The following SPSB4 variants were observed in gnomAD, a reference collection of about 807,000 sequenced individuals.
SPSB4 encodes splA/ryanodine receptor domain and SOCS box containing 4, also known as SPRY domain-containing SOCS box protein 4.
SPSB4 carries 21 observed loss-of-function variants against 20.9 expected under a neutral mutation model. The observed-to-expected ratio is 1.01, with a 90% CI of 0.71 to 1.45. The LOEUF is 1.45. SPSB4 is among the 40% of genes most tolerant of loss of function. The pLI is 0.00. For missense variants in SPSB4, 399 were observed against 399.2 expected (o/e 1.00, Z 0.00); for synonymous variants, 207 against 183.8 (o/e 1.13, Z -1.02).
rs1937873609 is a variant in SPSB4 at position 141,066,337 on chromosome 3, A to ACCC, written c.235_237dup (p.Pro79dup). On this transcript the variant is annotated inframe_insertion, in exon 2 of 3. Coordinates refer to ENST00000310546, the MANE Select transcript of SPSB4 (RefSeq NM_080862.3). ...GACGACCGGCTCACCTTCCACCGGCACCCCGTGGCCCAGAGCACCGACGGC... is the reference window on the plus strand; with the variant it reads ...GACGACCGGCTCACCTTCCACCGGCACCCCCCCGTGGCCCAGAGCACCGACGGC... The ACCC allele has an allele frequency of 1.3e-6, 2 of 1,563,624 alleles. No homozygotes were observed. Among genetic ancestry groups the ACCC allele is most frequent in the Non-Finnish European group, 1.7e-6 (2 of 1,156,474 alleles).
intron 2 of SPSB4, among the ~76,000 whole-genome samples, chr3:141,098,126 C>A (rs1476630802): frequency 2.0e-5 from 3 of 152,206 alleles, no homozygotes; most frequent in Non-Finnish European, 4.4e-5. Context: ...ATGCAGTGTT[C>A]CACTGATCCA....
chr3:141,138,204 A>C (rs555776001), intron 2 of SPSB4, among the ~76,000 whole-genome samples: 1 of 152,040 alleles, frequency 6.6e-6, no homozygotes, highest in Non-Finnish European at 1.5e-5. Context: ...TTATTATTGC[A>C]TCTATTTGAT....
chr3:141,069,158 G>A (rs1937944792), intron 2 of SPSB4, among the ~76,000 whole-genome samples: 1 of 152,144 alleles, frequency 6.6e-6, no homozygotes, highest in East Asian at 1.9e-4. Context: ...TCTAGGTAGG[G>A]GTAATGTTCT....
At chr3:141,105,329 C>G (rs999105466) in intron 2 of SPSB4, among the ~76,000 whole-genome samples, 1 of 152,160 alleles carries the variant, frequency 6.6e-6, no homozygotes, top group East Asian at 1.9e-4. Flanking sequence ...TTCCTGGCCT[C>G]CCACTGAGTT....
chr3:141,106,709 T>C (rs551342778), intron 2 of SPSB4, among the ~76,000 whole-genome samples: 46 of 152,212 alleles, frequency 3.0e-4, no homozygotes, highest in Admixed American at 2.7e-3. Flanking sequence ...TCAAACACCA[T>C]TGGCAGGGTC....
At chr3:141,106,728 C>G (rs578147040) in intron 2 of SPSB4, among the ~76,000 whole-genome samples, 4 of 152,318 alleles carry the variant, frequency 2.6e-5, no homozygotes, top group African/African-American at 7.2e-5. Flanking sequence ...TCTGACGTCT[C>G]TCTCTCCATT....
At chr3:141,115,459 G>A (rs897271853) in intron 2 of SPSB4, 1 of 152,154 alleles carries the variant, frequency 6.6e-6, no homozygotes, top group African/African-American at 2.4e-5. Flanking sequence ...GGAGTTTTCT[G>A]GAAAAAGCAG....
intron 2 of SPSB4, among the ~76,000 whole-genome samples, chr3:141,074,555 G>A (rs1053652228): frequency 1.3e-5 from 2 of 152,224 alleles, no homozygotes; most frequent in African/African-American, 4.8e-5. Context: ...GAGGTTCACA[G>A]GCCATTGTGA....
chr3:141,097,088 G>A (rs996439921), intron 2 of SPSB4, among the ~76,000 whole-genome samples: 2 of 152,200 alleles, frequency 1.3e-5, no homozygotes, highest in Non-Finnish European at 2.9e-5. Flanking sequence ...TTGACAGTCT[G>A]TGATGGTGAC....
chr3:141,052,864 C>T (rs1239692779), intron 1 of SPSB4, among the ~76,000 whole-genome samples: 4 of 152,214 alleles, frequency 2.6e-5, no homozygotes, highest in African/African-American at 9.6e-5. Flanking sequence ...GGCTCCAAGC[C>T]AGAAGGGGAC....
intron 2 of SPSB4, among the ~76,000 whole-genome samples, chr3:141,129,104 A>T (rs1043824714): frequency 5.9e-5 from 9 of 152,156 alleles, no homozygotes; most frequent in African/African-American, 2.2e-4. Context: ...TTTGCCAGAC[A>T]CACTCTCCTG....
At chr3:141,075,892 C>CAAAAAAAAA (rs532646509) in intron 2 of SPSB4, among the ~76,000 whole-genome samples, 1,068 of 65,546 alleles carry the variant, frequency 0.016, no homozygotes, top group Non-Finnish European at 0.031. Flanking sequence ...ACTAAAAATA[C>CAAAAAAAAA]AAAAAAAAAA....
chr3:141,087,794 C>A (rs774756968), intron 2 of SPSB4, among the ~76,000 whole-genome samples: 1 of 152,148 alleles, frequency 6.6e-6, no homozygotes, highest in Non-Finnish European at 1.5e-5. Flanking sequence ...GGGATGATGG[C>A]AATTGTCTCT....
chr3:141,126,502 C>T (rs1939051832), intron 2 of SPSB4, among the ~76,000 whole-genome samples: 1 of 152,134 alleles, frequency 6.6e-6, no homozygotes, highest in African/African-American at 2.4e-5. Context: ...CTTCAATTTC[C>T]AACCGGGGTT....
chr3:141,115,317 G>A (rs368797852), intron 2 of SPSB4: 3 of 152,210 alleles, frequency 2.0e-5, no homozygotes, highest in Non-Finnish European at 2.9e-5. Context: ...CATCCCTAAC[G>A]GTGGTGGATG....
Position 141,066,461 on chromosome 3 carries a change from G to C in SPSB4, c.357G>C (p.Thr119=), listed in dbSNP as rs1229370522. The change falls in exon 2 of 3, where the codon ACG becomes ACC. Residue 119 remains threonine (T), a synonymous_variant. Transcript: ENST00000310546. The part of the protein sequence containing the change: ...RGTHAVVGVA[T]ARAPLHSVGY... ...CCCACGCTGTAGTTGGTGTGGCCACGGCCCGTGCTCCCCTGCACTCCGTGG... is the reference window on the plus strand; with the variant it reads ...CCCACGCTGTAGTTGGTGTGGCCACCGCCCGTGCTCCCCTGCACTCCGTGG... 2 of 1,499,104 alleles carry C rather than the reference G, an allele frequency of 1.3e-6. No homozygotes were observed. The highest frequency in any genetic ancestry group is 1.8e-6 in the Non-Finnish European group (2 of 1,124,452). The allele number at this position is 1,499,104 out of a possible 1,614,324, so 92.9% of individuals were successfully genotyped here.
intron 2 of SPSB4, among the ~76,000 whole-genome samples, chr3:141,103,037 C>T (rs1376297539): frequency 6.6e-6 from 1 of 152,192 alleles, no homozygotes; most frequent in Non-Finnish European, 1.5e-5. Flanking sequence ...CCCAAGTGGC[C>T]GCGCCTGTCC....
rs565839026 is a variant in SPSB4, at chr3:141,082,497, A to C, written c.694+15699A>C. Among the ~76,000 whole-genome samples the C allele has an allele frequency of 5.9e-5, 9 of 152,324 alleles. No individual in the cohort carries two copies. In the South Asian group the frequency reaches 1.9e-3, roughly 32 times the overall value. ...CACAGACATGCAGAACACAGAGAGG[A>C]GTTTGAGCCCTGCCAGATAAACTTT... On this transcript the variant is annotated intron_variant, in intron 2 of 2. Coordinates refer to ENST00000310546, the MANE Select transcript of SPSB4 (RefSeq NM_080862.3).
At chr3:141,079,752 A>G (rs1938191346) in intron 2 of SPSB4, among the ~76,000 whole-genome samples, 1 of 152,256 alleles carries the variant, frequency 6.6e-6, no homozygotes, top group African/African-American at 2.4e-5. Context: ...ACAAAGTTGG[A>G]GAATATGATA....
Sources: allele counts gnomAD v4.1 joint callset (sites outside exome capture counted in the v4.1 genomes callset), GRCh38; gene constraint gnomAD v4.1.1; transcripts MANE v1.5; gene names NCBI Gene and HGNC (gene_info 2026-07-23, HGNC 2026-07-21).